Variants in CHN2 observed in about 807,000 individuals in gnomAD.
CHN2 encodes beta-chimaerin.
Under a neutral mutation model 56.3 loss-of-function variants are expected in CHN2, and 35 were observed. The observed-to-expected ratio is 0.62, with a 90% CI of 0.47 to 0.82. The LOEUF is 0.82. Among genes scored for constraint, CHN2 ranks in the 40% least tolerant of loss-of-function variants. The probability of loss-of-function intolerance (pLI) is 0.00; values close to 1 mark genes in which losing one functional copy is unlikely to be tolerated. For synonymous variants in CHN2, 210 were observed against 212.8 expected (o/e 0.99, Z 0.12); for missense variants, 491 against 580.5 (o/e 0.85, Z 1.58).
rs60947731 is a variant in CHN2 at position 29,433,415 on chromosome 7, C to A, written c.576+32587C>A. Among the ~76,000 whole-genome samples the A allele has an allele frequency of 1.6e-3, 247 of 152,244 alleles. 1 individual carries two copies. Among genetic ancestry groups the A allele is most frequent in the African/African-American group, 5.7e-3 (235 of 41,530 alleles). On this transcript the variant is annotated intron_variant, in intron 6 of 12. Coordinates refer to ENST00000222792, the MANE Select transcript of CHN2 (RefSeq NM_004067.4). ...TACCAGTGTATTTTCCTTGTCTTGACCATAAGTGATTATTTATATTACAGT... is the reference window on the plus strand; with the variant it reads ...TACCAGTGTATTTTCCTTGTCTTGAACATAAGTGATTATTTATATTACAGT...
chr7:29,467,611 C>T (rs1785645219), intron 6 of CHN2, among the ~76,000 whole-genome samples: 1 of 152,144 alleles, frequency 6.6e-6, no homozygotes, highest in Admixed American at 6.5e-5. Context: ...AAAATGAAGT[C>T]CAGGGTTCTT....
At chr7:29,313,859 C>T (rs1466727150) in intron 1 of CHN2, among the ~76,000 whole-genome samples, 3 of 152,186 alleles carry the variant, frequency 2.0e-5, no homozygotes, top group Non-Finnish European at 4.4e-5. Context: ...AAATTGTACA[C>T]GATGCAAGAG....
At chr7:29,459,884 G>A (rs2128136669) in intron 6 of CHN2, among the ~76,000 whole-genome samples, 2 of 152,300 alleles carry the variant, frequency 1.3e-5, no homozygotes, top group Middle Eastern at 6.8e-3. Flanking sequence ...AAGAGGCAGA[G>A]AAGAGGAAAG....
At chr7:29,156,006 T>C (rs1202142139) in intron 2 of CHN2, among the ~76,000 whole-genome samples, 2 of 152,242 alleles carry the variant, frequency 1.3e-5, no homozygotes, top group Non-Finnish European at 2.9e-5. Flanking sequence ...AACTTACTTT[T>C]ACATTTAATA....
intron 1 of CHN2, among the ~76,000 whole-genome samples, chr7:29,312,282 C>T (rs542210719): frequency 6.6e-6 from 1 of 152,186 alleles, no homozygotes; most frequent in Non-Finnish European, 1.5e-5. Context: ...CCATCTCAAT[C>T]CCTCCTGCTT....
chr7:29,485,034 T>C (rs981416305), intron 7 of CHN2, among the ~76,000 whole-genome samples: 1 of 150,740 alleles, frequency 6.6e-6, no homozygotes, highest in Non-Finnish European at 1.5e-5. Context: ...GTGGTGAAAC[T>C]TAGTTATTCT....
At chr7:29,317,674 G>A (rs1795055027) in intron 1 of CHN2, among the ~76,000 whole-genome samples, 1 of 152,092 alleles carries the variant, frequency 6.6e-6, no homozygotes, top group African/African-American at 2.4e-5. Context: ...AGGAGGGAGA[G>A]ATCATTAGAA....
intron 6 of CHN2, among the ~76,000 whole-genome samples, chr7:29,460,656 T>C (rs956521431): frequency 1.3e-5 from 2 of 152,230 alleles, no homozygotes; most frequent in African/African-American, 4.8e-5. Flanking sequence ...GGACCTTTCA[T>C]TAGAGCATCA....
chr7:29,176,140 C>T (rs553423114), intron 2 of CHN2, among the ~76,000 whole-genome samples: 35 of 151,620 alleles, frequency 2.3e-4, no homozygotes, highest in African/African-American at 8.2e-4. Context: ...GAGCCAAGAT[C>T]GCGCCACTGC....
intron 1 of CHN2, among the ~76,000 whole-genome samples, chr7:29,298,364 G>A (rs1479672032): frequency 6.6e-6 from 1 of 152,132 alleles, no homozygotes; most frequent in Non-Finnish European, 1.5e-5. Context: ...TTGACCCGAA[G>A]CTTGGAATTA....
At chr7:29,231,402 G>A (rs1402701604) in intron 1 of CHN2, among the ~76,000 whole-genome samples, 1 of 152,148 alleles carries the variant, frequency 6.6e-6, no homozygotes, top group Non-Finnish European at 1.5e-5. Flanking sequence ...CATCATTTTT[G>A]TATAAAAGGA....
At chr7:29,210,065 T>G (rs368072017) in intron 1 of CHN2, among the ~76,000 whole-genome samples, 1 of 152,186 alleles carries the variant, frequency 6.6e-6, no homozygotes, top group African/African-American at 2.4e-5. Context: ...ATTATTAGTT[T>G]GGCCCAGATC....
At chr7:29,474,280 T>C (rs1786403672) in intron 6 of CHN2, among the ~76,000 whole-genome samples, 1 of 152,356 alleles carries the variant, frequency 6.6e-6, no homozygotes, top group African/African-American at 2.4e-5. Context: ...TTTATTTAAC[T>C]TTTCCCCTAT....
chr7:29,361,704 A>C (rs1798745400), intron 2 of CHN2, among the ~76,000 whole-genome samples: 1 of 152,112 alleles, frequency 6.6e-6, no homozygotes, highest in African/African-American at 2.4e-5. Context: ...CAGCTATGGG[A>C]TTTAGCCTGT....
At chr7:29,361,524 T>G (rs948617839) in intron 2 of CHN2, among the ~76,000 whole-genome samples, 5 of 152,172 alleles carry the variant, frequency 3.3e-5, no homozygotes, top group Admixed American at 6.5e-5. Flanking sequence ...AATAATGATG[T>G]CTACTGCCGA....
intron 6 of CHN2, among the ~76,000 whole-genome samples, chr7:29,464,207 CT>C (rs984845219): frequency 1.3e-5 from 2 of 152,162 alleles, no homozygotes; most frequent in African/African-American, 4.8e-5. Flanking sequence ...TGTGTATTGC[CT>C]GTTTCAATCA....
At chr7:29,340,763 C>T (rs1041068224) in intron 1 of CHN2, among the ~76,000 whole-genome samples, 2 of 152,192 alleles carry the variant, frequency 1.3e-5, no homozygotes, top group Non-Finnish European at 2.9e-5. Flanking sequence ...AGCATGTCCT[C>T]ATTTAGACTA....
chr7:29,169,880 G>A (rs75370794), intron 2 of CHN2, among the ~76,000 whole-genome samples: 97 of 150,038 alleles, frequency 6.5e-4, no homozygotes, highest in African/African-American at 9.9e-4. Flanking sequence ...GTGTGTGTGT[G>A]TATATATATA....
At chr7:29,431,902 A>T (rs1454887962) in intron 6 of CHN2, among the ~76,000 whole-genome samples, 1 of 152,208 alleles carries the variant, frequency 6.6e-6, no homozygotes, top group Non-Finnish European at 1.5e-5. Flanking sequence ...AGAAATGCTC[A>T]GTTAGGTGGA....
Sources: gnomAD v4.1 joint callset for allele counts (sites outside exome capture counted in the v4.1 genomes callset) on GRCh38, gnomAD v4.1.1 for gene constraint, MANE v1.5 for transcripts, NCBI Gene and HGNC (gene_info 2026-07-23, HGNC 2026-07-21) for gene names.